The following EPB41L1 variants were observed in gnomAD, a reference collection of about 807,000 sequenced individuals.
EPB41L1 encodes the protein erythrocyte membrane protein band 4.1 like 1, also known as band 4.1-like protein 1.
EPB41L1 carries 29 observed loss-of-function variants against 97.8 expected under a neutral mutation model. The ratio of observed to expected loss-of-function variants is 0.30; its 90% CI spans 0.22 to 0.40. EPB41L1 has a LOEUF of 0.40. Ranked by LOEUF, EPB41L1 falls within the 10% of genes least tolerant of loss-of-function variation. EPB41L1 has a pLI of 1.00. For synonymous variants in EPB41L1, 383 were observed against 459.2 expected, an observed-to-expected ratio of 0.83 and a Z score of 2.12; for missense variants, 812 against 1,162.3, an observed-to-expected ratio of 0.70 and a Z score of 4.38.
In EPB41L1 at chr20:36,108,947, CT is replaced by C. The variant is rs112178873; in HGVS notation, c.-64-3465del. On this transcript the variant is annotated intron_variant, in intron 1 of 19. Transcript: ENST00000202028. ...AGCCTTGAGGATGAGTTCAGGGCTT[CT>C]TTTTTTTTTTTTTGAGATGGAGTCT... Among the ~76,000 whole-genome samples, 525 of 142,562 alleles carry C rather than the reference CT, an allele frequency of 3.7e-3. 1 individual carries two copies. The highest frequency in any genetic ancestry group is 0.013 in the East Asian group (64 of 4,854). 93.5% of individuals were successfully genotyped at this position (142,562 alleles called of 152,430 possible).
At chr20:36,136,205 C>T (rs1320795953) in intron 2 of EPB41L1, among the ~76,000 whole-genome samples, 1 of 152,158 alleles carries the variant, frequency 6.6e-6, no homozygotes, top group Non-Finnish European at 1.5e-5. Flanking sequence ...GGGTCTCTCT[C>T]TGTTGCCCAG....
intron 14 of EPB41L1, chr20:36,200,888 G>A (rs1214228856): frequency 2.2e-6 from 1 of 456,598 alleles, no homozygotes; most frequent in Non-Finnish European, 4.4e-6. Flanking sequence ...GAGGACCCAG[G>A]ACATCTCTCA....
chr20:36,169,110 C>G (rs2060866521), intron 1 of EPB41L1, among the ~76,000 whole-genome samples: 1 of 151,406 alleles, frequency 6.6e-6, no homozygotes. Context: ...CCTGTAATCC[C>G]AGTTACTCGG....
Position 36,092,188 on chromosome 20 carries a change from A to G in EPB41L1, c.-65+576A>G, listed in dbSNP as rs111909996. On this transcript the variant is annotated intron_variant, in intron 1 of 19. Coordinates refer to the EPB41L1 transcript ENST00000202028. This position sits in a 1 kb window ranked among gnomAD's most constrained non-coding sequence, Gnocchi z 7.0. ...CGTGGGCCAGGTCCTGGCTGGAGGT[A>G]GACGAGGTCGGCGAGCTGGGCGCGG... Among the ~76,000 whole-genome samples, 405 of 152,296 alleles carry G rather than the reference A, an allele frequency of 2.7e-3. 2 individuals are homozygous for G. The highest frequency in any genetic ancestry group is 9.0e-3 in the African/African-American group (373 of 41,580).
At chr20:36,155,520 G>A (rs2060257375) in intron 1 of EPB41L1, 2 of 446,726 alleles carry the variant, frequency 4.5e-6, no homozygotes, top group Admixed American at 2.4e-5. Flanking sequence ...CACTTGGGGA[G>A]GTCCAAGGGC....
At chr20:36,197,751 C>A in intron 13 of EPB41L1, 108 bp from the exon 14 acceptor site, 1 of 1,601,204 alleles carries the variant, frequency 6.2e-7, no homozygotes, top group African/African-American at 1.3e-5. Context: ...GTGGGAATAA[C>A]GTTGCTGGTG....
rs761073014 is a variant in EPB41L1 at position 36,221,903 on chromosome 20, C to T, written c.2479C>T (p.Arg827Ter). The change falls in exon 20 of 22, where the codon CGA becomes TGA. Residue 827 changes from arginine (R) to a stop codon, truncating the protein, a stop_gained. Transcript: ENST00000338074. LOFTEE classifies it high-confidence loss of function. The stretch of plus-strand genomic sequence containing the variant: ...GTTTTCTGAGACAAGGATCGAGAAG[C>T]GAATCATCATTACTGGGGATGAAGA... Reference protein sequence around the residue: ...GGFSETRIEKRIIITGDEDVD... With the variant: ...GGFSETRIEK 1.9e-6 allele frequency: 3 copies of T among 1,614,116 alleles called. No individual in the cohort carries two copies. The highest frequency in any genetic ancestry group is 2.5e-6 in the Non-Finnish European group (3 of 1,180,020).
chr20:36,180,853 C>T (rs544895314), intron 5 of EPB41L1, among the ~76,000 whole-genome samples: 119 of 152,280 alleles, frequency 7.8e-4, no homozygotes, highest in African/African-American at 2.8e-3. Flanking sequence ...TGAAGCTGCT[C>T]TTTCCAAGGA....
Position 36,219,837 on chromosome 20 carries a change from T to A in EPB41L1, c.2432T>A (p.Val811Asp). 1 of 1,614,154 alleles carries A rather than the reference T, an allele frequency of 6.2e-7. No homozygotes were observed. Among genetic ancestry groups the A allele is most frequent in the Non-Finnish European group, 8.5e-7 (1 of 1,180,000 alleles). ...CTCTCAACCTCCACCACCACCCATG[T>A]CACCAAAGTGAGTAGCAGCAGGGCG... ...ETLSTSTTTHVTKTVKGGFSE... is the reference protein window; with the variant it reads ...ETLSTSTTTHDTKTVKGGFSE... Residue 811 changes from valine to aspartate, a missense_variant, in exon 19 of 22, where the codon GTC (valine) becomes GAC (aspartate). By Grantham distance (152) the Val-to-Asp change is radical. This residue lies in a region of EPB41L1 where 498 missense variants were observed against 622.7 expected (regional missense o/e 0.80). Coordinates refer to ENST00000338074, the MANE Select transcript of EPB41L1 (RefSeq NM_012156.2).
chr20:36,143,908 A>G (rs1286290336), intron 2 of EPB41L1, among the ~76,000 whole-genome samples: 1 of 150,442 alleles, frequency 6.6e-6, no homozygotes, highest in Non-Finnish European at 1.5e-5. Context: ...GCTGGAGTGC[A>G]GTGGCGCGAT....
intron 1 of EPB41L1, among the ~76,000 whole-genome samples, chr20:36,101,287 G>A (rs1291850394): frequency 6.6e-6 from 1 of 152,108 alleles, no homozygotes; most frequent in African/African-American, 2.4e-5. Flanking sequence ...TGGAGAGAGG[G>A]AGGAATAGGA....
At chr20:36,161,338 G>A (rs1400081846) in intron 1 of EPB41L1, among the ~76,000 whole-genome samples, 1 of 152,192 alleles carries the variant, frequency 6.6e-6, no homozygotes, top group Non-Finnish European at 1.5e-5. Context: ...GTCTGGTGGT[G>A]ATCAGAGCCA....
intron 21 of EPB41L1, among the ~76,000 whole-genome samples, 178 bp from the exon 22 acceptor site, chr20:36,229,154 G>C (rs1169838563): frequency 6.6e-6 from 1 of 152,118 alleles, no homozygotes; most frequent in Non-Finnish European, 1.5e-5. Context: ...GGGATTACAG[G>C]TGCAAGTCAC....
At chr20:36,221,779 C>T (rs1403299695) in intron 19 of EPB41L1, 85 bp from the exon 20 acceptor site, 6 of 1,160,480 alleles carry the variant, frequency 5.2e-6, no homozygotes, top group East Asian at 4.7e-5. Context: ...GCCCTGCCCT[C>T]GAGAGATGAT....
At chr20:36,114,907 G>C (rs906829320) in intron 2 of EPB41L1, among the ~76,000 whole-genome samples, 17 of 152,074 alleles carry the variant, frequency 1.1e-4, no homozygotes, top group Admixed American at 1.1e-3. Context: ...CAGACACCGG[G>C]GGAGTAGAAG....
chr20:36,159,901 A>G (rs774739521), intron 1 of EPB41L1, among the ~76,000 whole-genome samples: 43 of 152,344 alleles, frequency 2.8e-4, no homozygotes, highest in Non-Finnish European at 5.0e-4. Context: ...CCCAGCTGTA[A>G]TGTGGATAGT....
At chr20:36,145,123 G>C (rs1159718293) in intron 2 of EPB41L1, among the ~76,000 whole-genome samples, 1 of 152,116 alleles carries the variant, frequency 6.6e-6, no homozygotes, top group Admixed American at 6.5e-5. Context: ...GGGGCCTGAG[G>C]ATTTGTGTAC....
chr20:36,144,990 G>A (rs1245048025), intron 2 of EPB41L1, among the ~76,000 whole-genome samples: 2 of 152,170 alleles, frequency 1.3e-5, no homozygotes, highest in Non-Finnish European at 2.9e-5. Context: ...GAGCCAAAGT[G>A]TAGGCTCCTA....
At position 36,230,697 on chromosome 20, in the gene EPB41L1, C is replaced by T. The variant is rs558320846; in HGVS notation, c.*1357C>T. 1 of 152,200 alleles carries T rather than the reference C, an allele frequency of 6.6e-6. No individual in the cohort carries two copies. Among genetic ancestry groups the T allele is most frequent in the South Asian group, 2.1e-4 (1 of 4,808 alleles). The allele number at this position is 152,200 out of a possible 1,614,324, so 9.4% of individuals were successfully genotyped here. A position where few individuals can be genotyped will look rare whatever the true frequency, so the allele number is the denominator to read the frequency against. Reference sequence around the variant, plus strand: ...TGGGACTCTGCTGCTGAAGTTGCCACAGTAGAGGTCCCTGGCTTAGTCCTT... The same window carrying T: ...TGGGACTCTGCTGCTGAAGTTGCCATAGTAGAGGTCCCTGGCTTAGTCCTT... On this transcript the variant is annotated 3_prime_UTR_variant, in exon 22 of 22. Transcript: ENST00000338074.
Sources: allele counts gnomAD v4.1 joint callset (sites outside exome capture counted in the v4.1 genomes callset), GRCh38; gene constraint gnomAD v4.1.1; regional missense constraint gnomAD v4.1.1; non-coding constraint Gnocchi (gnomAD v3.1); transcripts MANE v1.5; gene names NCBI Gene and HGNC (gene_info 2026-07-23, HGNC 2026-07-21).